The following PACSIN2 variants were observed in gnomAD, a reference collection of about 807,000 sequenced individuals.
The protein encoded by PACSIN2 is protein kinase C and casein kinase substrate in neurons 2, also known as protein kinase C and casein kinase substrate in neurons protein 2.
Under a neutral mutation model 63.8 loss-of-function variants are expected in PACSIN2, and 25 were observed. The ratio of observed to expected loss-of-function variants is 0.39; its 90% CI spans 0.29 to 0.55. PACSIN2 has a LOEUF of 0.55. Among genes scored for constraint, PACSIN2 ranks in the 20% least tolerant of loss-of-function variants. PACSIN2 has a pLI of 0.62. For synonymous variants in PACSIN2, 255 were observed against 256.2 expected, an observed-to-expected ratio of 1.00 and a Z score of 0.05; for missense variants, 518 against 646.9, an observed-to-expected ratio of 0.80 and a Z score of 2.16.
At chr22:42,897,837 T>C (rs753350984) in intron 2 of PACSIN2, among the ~76,000 whole-genome samples, 15 of 151,960 alleles carry the variant, frequency 9.9e-5, no homozygotes, top group Non-Finnish European at 1.9e-4. Context: ...GCCAGGAAAA[T>C]AATTCCAGGC....
chr22:42,890,999 G>C lies in PACSIN2; in HGVS notation c.401C>G (p.Ala134Gly). 6.2e-7 allele frequency: 1 copy of C among 1,614,172 alleles called. No individual in the cohort carries two copies. Among genetic ancestry groups the C allele is most frequent in the Non-Finnish European group, 8.5e-7 (1 of 1,180,030 alleles). Residue 134 changes from alanine (A) to glycine (G), a missense_variant, in exon 4 of 11, where the codon GCT (alanine) becomes GGT (glycine). Ala to Gly is a moderately conservative substitution (Grantham distance 60). Coordinates refer to ENST00000263246, the MANE Select transcript of PACSIN2 (RefSeq NM_001184970.3). Reference protein sequence around the residue: ...MMGGFKETKEAEDGFRKAQKP... With the variant: ...MMGGFKETKEGEDGFRKAQKP... ...CTGTGCCTTCCGAAAGCCGTCCTCAGCTTCCTTGGTCTCCTTGAAGCCGCC... is the reference window on the plus strand; with the variant it reads ...CTGTGCCTTCCGAAAGCCGTCCTCACCTTCCTTGGTCTCCTTGAAGCCGCC...
rs537140399 is a variant in PACSIN2, at chr22:42,893,650, G to A, written c.61-37C>T. ...AACCAGCTGGGAGGCAGGGGGCTTG[G>A]GGCAGCCTGTCCTTGGCTGTGGCAC... is the stretch of plus-strand genomic sequence containing the variant. On this transcript the variant is annotated intron_variant, in intron 2 of 10. Coordinates refer to ENST00000263246, the MANE Select transcript of PACSIN2 (RefSeq NM_001184970.3). 89 of 1,600,118 alleles carry A rather than the reference G, an allele frequency of 5.6e-5. 5 individuals carry two copies. In the South Asian group the frequency reaches 8.8e-4, roughly 16 times the overall value.
intron 1 of PACSIN2, among the ~76,000 whole-genome samples, chr22:43,013,071 C>G (rs1601629103): frequency 6.6e-6 from 1 of 152,150 alleles, no homozygotes; most frequent in African/African-American, 2.4e-5. Context: ...GGATCCCAGG[C>G]GTGAGCCACC....
At chr22:43,006,532 C>T (rs946895951) in intron 1 of PACSIN2, among the ~76,000 whole-genome samples, 1 of 152,052 alleles carries the variant, frequency 6.6e-6, no homozygotes, top group Non-Finnish European at 1.5e-5. Context: ...GAAAGAGAAA[C>T]AGCCAGGCAC....
rs761685863 is a variant in PACSIN2 at position 42,876,947 on chromosome 22, G to A, written c.1092C>T (p.Phe364=). 2.6e-5 allele frequency: 42 copies of A among 1,614,052 alleles called. No individual in the cohort carries two copies. The highest frequency in any genetic ancestry group is 8.0e-5 in the African/African-American group (6 of 74,918). The change falls in exon 9 of 11, where the codon TTC becomes TTT. Residue 364 remains phenylalanine (F), a synonymous_variant. Transcript: ENST00000263246. ...SAQSQSSYNP[F]EDEDDTGSTV... Reference sequence around the variant, plus strand: ...TGCTGCCCGTGTCGTCCTCATCCTCGAAGGGGTTGTAGCTGGACTGTGACT... The same window carrying A: ...TGCTGCCCGTGTCGTCCTCATCCTCAAAGGGGTTGTAGCTGGACTGTGACT...
At chr22:42,961,087 T>C (rs1250765237) in intron 1 of PACSIN2, among the ~76,000 whole-genome samples, 2 of 152,174 alleles carry the variant, frequency 1.3e-5, no homozygotes, top group African/African-American at 2.4e-5. Flanking sequence ...CCTTTCAACA[T>C]GGCCCAAGCG....
At chr22:42,936,402 C>A (rs768842317) in intron 1 of PACSIN2, among the ~76,000 whole-genome samples, 3 of 152,066 alleles carry the variant, frequency 2.0e-5, no homozygotes, top group Non-Finnish European at 4.4e-5. Flanking sequence ...AGAATGACCC[C>A]GGACTTAGCA....
At chr22:42,981,326 G>A (rs1452252984) in intron 1 of PACSIN2, among the ~76,000 whole-genome samples, 145 of 143,438 alleles carry the variant, frequency 1.0e-3, no homozygotes, top group African/African-American at 3.8e-3. Context: ...GTCTCCGCCC[G>A]GCAGCCACCC....
intron 1 of PACSIN2, among the ~76,000 whole-genome samples, chr22:42,967,029 C>T (rs1039528302): frequency 6.6e-6 from 1 of 152,152 alleles, no homozygotes; most frequent in East Asian, 1.9e-4. Context: ...CTTAAACGAA[C>T]TTGTCCGTAA....
At chr22:43,012,130 C>T (rs553576900) in intron 1 of PACSIN2, among the ~76,000 whole-genome samples, 2 of 150,514 alleles carry the variant, frequency 1.3e-5, no homozygotes, top group East Asian at 2.0e-4. Flanking sequence ...GGCGACAGAG[C>T]GAGACTCTGT....
chr22:42,908,152 G>A (rs1241054958), intron 2 of PACSIN2, among the ~76,000 whole-genome samples: 1 of 152,254 alleles, frequency 6.6e-6, no homozygotes, highest in East Asian at 1.9e-4. Flanking sequence ...CTCAGCCTGG[G>A]TTCATCCAGA....
chr22:42,899,425 T>C (rs9611956), intron 2 of PACSIN2, among the ~76,000 whole-genome samples: 4,576 of 152,148 alleles, frequency 0.03, 84 homozygotes, highest in African/African-American at 0.045. Flanking sequence ...GTAGCTGGGA[T>C]GACAGCAGGC....
chr22:42,933,285 G>C (rs1418880798), intron 1 of PACSIN2, among the ~76,000 whole-genome samples: 1 of 152,134 alleles, frequency 6.6e-6, no homozygotes, highest in Non-Finnish European at 1.5e-5. Context: ...ATTTCTCAAA[G>C]CAATGAGATG....
rs143292304 is a variant in PACSIN2, at chr22:42,874,241, G to A, written c.1348+1896C>T. Among the ~76,000 whole-genome samples, 245 of 151,354 alleles carry A rather than the reference G, an allele frequency of 1.6e-3. 2 individuals are homozygous for A. Among genetic ancestry groups the A allele is most frequent in the African/African-American group, 5.7e-3 (235 of 41,268 alleles). On this transcript the variant is annotated intron_variant, in intron 10 of 10. Coordinates refer to ENST00000263246, the MANE Select transcript of PACSIN2 (RefSeq NM_001184970.3). ...AGGTGGGAGGACTGCTTGAGCCCAG[G>A]AGATCAAGGCTGCAGCTGCTGTGAG...
At chr22:43,001,763 AAAAGGGAAACAGCCCCT>A (rs1310450713) in intron 1 of PACSIN2, among the ~76,000 whole-genome samples, 1 of 152,224 alleles carries the variant, frequency 6.6e-6, no homozygotes, top group Admixed American at 6.5e-5. Context: ...CAAGAGAACT[AAAAGGGAAACAGCCCCT>A]GTGGGGAGAG....
At chr22:42,919,772 CAAAAA>C (rs761464603) in intron 1 of PACSIN2, among the ~76,000 whole-genome samples, 1 of 48,792 alleles carries the variant, frequency 2.0e-5, no homozygotes, top group Non-Finnish European at 4.8e-5. Flanking sequence ...GAACCTGTCT[CAAAAA>C]AAAAAAAAAA....
At chr22:42,886,704 G>A (rs575693532) in intron 5 of PACSIN2, among the ~76,000 whole-genome samples, 2 of 152,262 alleles carry the variant, frequency 1.3e-5, no homozygotes, top group South Asian at 2.1e-4. Flanking sequence ...TGGAAACTGC[G>A]TCAAGAAGGG....
chr22:42,919,127 A>C (rs925003652), intron 1 of PACSIN2, among the ~76,000 whole-genome samples: 9 of 152,154 alleles, frequency 5.9e-5, no homozygotes, highest in African/African-American at 2.2e-4. Context: ...AAAATATGTA[A>C]AATGTGTATT....
chr22:42,971,366 C>G (rs899170455), intron 1 of PACSIN2, among the ~76,000 whole-genome samples: 2 of 152,228 alleles, frequency 1.3e-5, no homozygotes, highest in Admixed American at 6.5e-5. Flanking sequence ...GGACTGCAGA[C>G]GGAGTCTCGC....
Sources: allele counts gnomAD v4.1 joint callset (sites outside exome capture counted in the v4.1 genomes callset), GRCh38; gene constraint gnomAD v4.1.1; transcripts MANE v1.5; gene names NCBI Gene and HGNC (gene_info 2026-07-23, HGNC 2026-07-21).